The following SPATA13 variants were observed in gnomAD, a reference collection of about 807,000 sequenced individuals.
The protein encoded by SPATA13 is spermatogenesis-associated protein 13.
SPATA13 carries 50 observed loss-of-function variants against 104.0 expected under a neutral mutation model. The observed-to-expected ratio is 0.48, with a 90% CI of 0.38 to 0.61. The LOEUF is 0.61. SPATA13 is among the 20% of genes least tolerant of loss of function. The pLI, the probability that SPATA13 is intolerant of heterozygous loss-of-function variation, is 0.00. For synonymous variants in SPATA13, 606 were observed against 667.5 expected (o/e 0.91, Z 1.42); for missense variants, 1,524 against 1,690.6 (o/e 0.90, Z 1.73).
At chr13:24,186,403 T>C (rs1869151978) in intron 1 of SPATA13, among the ~76,000 whole-genome samples, 1 of 152,210 alleles carries the variant, frequency 6.6e-6, no homozygotes, top group Admixed American at 6.5e-5. Context: ...ACTCACGTGT[T>C]GTATGTTTGC....
intron 2 of SPATA13, among the ~76,000 whole-genome samples, chr13:24,006,122 C>A (rs1490402086): frequency 6.6e-6 from 1 of 152,190 alleles, no homozygotes; most frequent in Non-Finnish European, 1.5e-5. Context: ...TTGTGAGTAA[C>A]CACCATAATT....
chr13:24,159,029 C>T (rs1413125855), upstream of SPATA13, among the ~76,000 whole-genome samples: 1 of 152,106 alleles, frequency 6.6e-6, no homozygotes, highest in Non-Finnish European at 1.5e-5. Context: ...CAGAAATAAC[C>T]TTTTGAAACA....
At chr13:24,291,423 C>T (rs1876338907) in intron 9 of SPATA13, among the ~76,000 whole-genome samples, 1 of 152,206 alleles carries the variant, frequency 6.6e-6, no homozygotes, top group African/African-American at 2.4e-5. Context: ...GGTGAGGGCA[C>T]ACACAAGCTT....
At chr13:24,189,036 A>T (rs560945867) in intron 1 of SPATA13, among the ~76,000 whole-genome samples, 10 of 152,290 alleles carry the variant, frequency 6.6e-5, no homozygotes, top group African/African-American at 2.2e-4. Flanking sequence ...ATTACTGCTC[A>T]TTGACAATGT....
chr13:24,286,998 C>T lies in SPATA13; in HGVS notation c.2667+48C>T. The T allele has an allele frequency of 2.6e-6, 4 of 1,551,386 alleles. No individual in the cohort carries two copies. Among genetic ancestry groups the T allele is most frequent in the Non-Finnish European group, 2.6e-6 (3 of 1,135,420 alleles). ...CACTGAGGGTCACAGTATGAGGCTG[C>T]ATGAGGTGCCTGGGCTTTCTCCCCA... On this transcript the variant is annotated intron_variant, in intron 7 of 12. Transcript: ENST00000382108. This position sits in a 1 kb window ranked among gnomAD's most constrained non-coding sequence, Gnocchi z 4.9.
At chr13:24,069,567 G>A (rs190147721) in intron 3 of SPATA13, among the ~76,000 whole-genome samples, 60 of 152,250 alleles carry the variant, frequency 3.9e-4, no homozygotes, top group Admixed American at 2.5e-3. Flanking sequence ...TACAAACAGC[G>A]ATAATTTGCC....
intron 1 of SPATA13, among the ~76,000 whole-genome samples, chr13:24,218,357 A>G (rs1219526385): frequency 2.6e-5 from 4 of 151,180 alleles, no homozygotes; most frequent in African/African-American, 9.7e-5. Flanking sequence ...CATGACCCCC[A>G]GGTTCTGGCC....
At chr13:24,106,799 G>T (rs919314544) in intron 3 of SPATA13, among the ~76,000 whole-genome samples, 1 of 152,128 alleles carries the variant, frequency 6.6e-6, no homozygotes, top group Non-Finnish European at 1.5e-5. Context: ...GTGAATAATA[G>T]GTAGTCCTGT....
chr13:24,140,742 G>A (rs1881736021), intron 3 of SPATA13, among the ~76,000 whole-genome samples: 1 of 152,192 alleles, frequency 6.6e-6, no homozygotes, highest in Non-Finnish European at 1.5e-5. Context: ...ATAATGAAGT[G>A]AACCCATGAA....
rs188559602 is a variant in SPATA13 at position 24,125,645 on chromosome 13, G to C, written c.-111-97174G>C. Among the ~76,000 whole-genome samples, 5 of 152,268 alleles carry C rather than the reference G, an allele frequency of 3.3e-5. No homozygotes were observed. In the East Asian group the frequency reaches 9.7e-4, roughly 29 times the overall value. On this transcript the variant is annotated intron_variant, in intron 3 of 14. Transcript: ENST00000424834. ...GCCAAGGAATTCTTCCTTGACTTAG[G>C]TGAGATTGTCAAGATTCAAGGGATG...
chr13:24,067,167 G>C (rs942394594), intron 3 of SPATA13, among the ~76,000 whole-genome samples: 2 of 152,120 alleles, frequency 1.3e-5, no homozygotes, highest in Admixed American at 6.5e-5. Flanking sequence ...AGGCACTGCT[G>C]CCTGCCCAAT....
At chr13:24,160,181 G>C (rs1027705231), upstream of SPATA13, among the ~76,000 whole-genome samples, 1 of 152,238 alleles carries the variant, frequency 6.6e-6, no homozygotes, top group Admixed American at 6.5e-5. Context: ...GGTTGCCCCG[G>C]AGATGAGACT....
intron 2 of SPATA13, among the ~76,000 whole-genome samples, chr13:23,987,413 T>C (rs1875203010): frequency 6.6e-6 from 1 of 152,204 alleles, no homozygotes; most frequent in South Asian, 2.1e-4. Flanking sequence ...TTATATTCTT[T>C]GGAGAAAAGT....
chr13:24,278,777 A>T (rs1190297760), intron 4 of SPATA13: 2 of 1,602,096 alleles, frequency 1.2e-6, no homozygotes. Flanking sequence ...CTCAAAAAAG[A>T]AAAATATAGA....
intron 2 of SPATA13, among the ~76,000 whole-genome samples, chr13:23,984,520 C>T (rs1160863197): frequency 6.6e-6 from 1 of 152,182 alleles, no homozygotes; most frequent in Admixed American, 6.5e-5. Flanking sequence ...CTGTCCTTCC[C>T]ACCGTGAGTG....
chr13:24,034,935 T>A lies in SPATA13; in HGVS notation c.-112+17234T>A, dbSNP rs527488883. 1.8e-3 allele frequency: 277 copies of A among 152,350 alleles called. 2 individuals carry two copies. Among genetic ancestry groups the A allele is most frequent in the African/African-American group, 6.4e-3 (267 of 41,574 alleles). The allele number at this position is 152,350 out of a possible 1,614,324, so 9.4% of individuals were successfully genotyped here. ...AGGCTAAATTCAGGCTGTCGGAAGA[T>A]AAACTCCACCTCTCAATGGAGAGAG... is the stretch of plus-strand genomic sequence containing the variant. On this transcript the variant is annotated intron_variant, in intron 3 of 14. Coordinates refer to the SPATA13 transcript ENST00000424834.
chr13:24,269,078 A>G (rs1874424868), intron 4 of SPATA13, among the ~76,000 whole-genome samples: 1 of 152,130 alleles, frequency 6.6e-6, no homozygotes, highest in Admixed American at 6.5e-5. Context: ...GGTTTTTTGG[A>G]GCGACAGCAG....
At position 24,303,953 on chromosome 13, in the gene SPATA13, A is replaced by G. The variant is rs1032174179; in HGVS notation, c.*1180A>G. 2 of 152,252 alleles carry G rather than the reference A, an allele frequency of 1.3e-5. No homozygotes were observed. The allele number at this position is 152,252 out of a possible 1,614,324, so 9.4% of individuals were successfully genotyped here. ...ACATTCAAACAACTGTTTGCAATAT[A>G]AAAAGCTCATTTACTGTAATATTTA... On this transcript the variant is annotated 3_prime_UTR_variant, in exon 13 of 13. Transcript: ENST00000382108.
At chr13:24,114,437 G>A (rs1046333766) in intron 3 of SPATA13, among the ~76,000 whole-genome samples, 2 of 132,470 alleles carry the variant, frequency 1.5e-5, no homozygotes, top group Non-Finnish European at 1.7e-5. Context: ...CCTTACCACA[G>A]CAGACTACTT....
Sources: allele counts gnomAD v4.1 joint callset (sites outside exome capture counted in the v4.1 genomes callset), GRCh38; gene constraint gnomAD v4.1.1; non-coding constraint Gnocchi (gnomAD v3.1); transcripts MANE v1.5; gene names NCBI Gene and HGNC (gene_info 2026-07-23, HGNC 2026-07-21).